SLC35F4: variants seen among roughly 807,000 people sequenced by gnomAD.
SLC35F4 encodes the protein solute carrier family 35 member F4, also known as chromosome 14 open reading frame 36.
Under a neutral mutation model 44.2 loss-of-function variants are expected in SLC35F4, and 24 were observed. The observed-to-expected ratio is 0.54, with a 90% CI of 0.39 to 0.76. The LOEUF is 0.76. Ranked by LOEUF, SLC35F4 falls within the 30% of genes least tolerant of loss-of-function variation. SLC35F4 has a pLI of 0.00. For synonymous variants in SLC35F4, 238 were observed against 223.6 expected (o/e 1.06, Z -0.57); for missense variants, 562 against 586.1 (o/e 0.96, Z 0.42).
At chr14:57,968,880 T>A (rs1233352036) in intron 1 of SLC35F4, among the ~76,000 whole-genome samples, 1 of 152,204 alleles carries the variant, frequency 6.6e-6, no homozygotes, top group Non-Finnish European at 1.5e-5. Context: ...TAAATTTGAC[T>A]TTTTAGGAAA....
intron 1 of SLC35F4, among the ~76,000 whole-genome samples, chr14:57,790,769 A>T (rs576437019): frequency 1.6e-4 from 25 of 152,320 alleles, no homozygotes; most frequent in Non-Finnish European, 2.6e-4. Flanking sequence ...ACAGCATGGT[A>T]CTGGTACCAA....
chr14:57,977,451 T>C (rs1367698036), intron 1 of SLC35F4, among the ~76,000 whole-genome samples: 1 of 152,072 alleles, frequency 6.6e-6, no homozygotes, highest in Non-Finnish European at 1.5e-5. Flanking sequence ...GAAACGTTTG[T>C]CTTTTGGAGG....
intron 1 of SLC35F4, among the ~76,000 whole-genome samples, chr14:57,707,474 C>T (rs962991977): frequency 6.6e-6 from 1 of 152,166 alleles, no homozygotes; most frequent in African/African-American, 2.4e-5. Context: ...GAAGAAAGTA[C>T]CTTACTTCCC....
chr14:57,571,682 G>A (rs1164067643), intron 5 of SLC35F4, among the ~76,000 whole-genome samples: 6 of 152,088 alleles, frequency 3.9e-5, no homozygotes, highest in African/African-American at 1.4e-4. Flanking sequence ...TCTGGAAAGT[G>A]GAAATAAGTA....
Position 57,776,937 on chromosome 14 carries a change from C to A in SLC35F4, c.103+88786G>T, listed in dbSNP as rs140352494. Reference sequence around the variant, plus strand: ...CGTAAGAGCTGCCTTACAAGAGCTCCTGAAAGAAGCACTAAATGTGGAAAG... The same window carrying A: ...CGTAAGAGCTGCCTTACAAGAGCTCATGAAAGAAGCACTAAATGTGGAAAG... On this transcript the variant is annotated intron_variant, in intron 1 of 7. Coordinates refer to ENST00000556826, the MANE Select transcript of SLC35F4 (RefSeq NM_001306087.2). Among the ~76,000 whole-genome samples the A allele has an allele frequency of 2.8e-4, 43 of 152,302 alleles. 1 individual carries two copies. The highest frequency in any genetic ancestry group is 2.7e-3 in the South Asian group (13 of 4,830).
rs201554203 is a variant in SLC35F4, at chr14:57,603,211, TG to T, written c.104-9088del. 2.0e-5 allele frequency among the ~76,000 whole-genome samples: 3 copies of T among 152,362 alleles called. 1 individual carries two copies. The South Asian group carries it at 6.2e-4, about 32-fold the overall frequency. ...AAATACCACAAAATTGCATTAAAGT[TG>T]TCTTTGTGTGTGATAGTCCTGATCT... On this transcript the variant is annotated intron_variant, in intron 1 of 7. Transcript: ENST00000556826.
rs570870074 is a variant in SLC35F4 at position 57,808,057 on chromosome 14, C to T, written c.103+57666G>A. Among the ~76,000 whole-genome samples the T allele has an allele frequency of 5.3e-5, 8 of 151,938 alleles. No individual in the cohort carries two copies. In the South Asian group the frequency reaches 1.7e-3, roughly 32 times the overall value. ...AAAACCTGCCCCCATGATTCAGTTA[C>T]CTCCCACCAGGTCCCTCCCATGACA... On this transcript the variant is annotated intron_variant, in intron 1 of 7. Transcript: ENST00000556826.
rs552013445 is a variant in SLC35F4 at position 57,847,039 on chromosome 14, T to C, written c.103+18684A>G. Among the ~76,000 whole-genome samples, 23 of 152,360 alleles carry C rather than the reference T, an allele frequency of 1.5e-4. 1 individual carries two copies. In the East Asian group the frequency reaches 3.9e-3, roughly 26 times the overall value. ...GAAATTGAGAGTAATCACTGAGAAATATTTATAGCAAGTTGACACTACTAT... is the reference window on the plus strand; with the variant it reads ...GAAATTGAGAGTAATCACTGAGAAACATTTATAGCAAGTTGACACTACTAT... On this transcript the variant is annotated intron_variant, in intron 1 of 7. Coordinates refer to ENST00000556826, the MANE Select transcript of SLC35F4 (RefSeq NM_001306087.2).
rs115815124 is a variant in SLC35F4 at position 57,842,940 on chromosome 14, A to G, written c.103+22783T>C. 5.6e-3 allele frequency among the ~76,000 whole-genome samples: 858 copies of G among 152,284 alleles called. 7 individuals are homozygous for G. Among genetic ancestry groups the G allele is most frequent in the African/African-American group, 0.02 (816 of 41,550 alleles). On this transcript the variant is annotated intron_variant, in intron 1 of 7. Transcript: ENST00000556826. Reference sequence around the variant, plus strand: ...AGGCAGAAGAAGGTAGAAAGAGCAGACTTGCTGAGTCTTCCAGCCTTCATC... The same window carrying G: ...AGGCAGAAGAAGGTAGAAAGAGCAGGCTTGCTGAGTCTTCCAGCCTTCATC...
At chr14:57,724,868 C>T (rs1321939111) in intron 1 of SLC35F4, among the ~76,000 whole-genome samples, 1 of 152,160 alleles carries the variant, frequency 6.6e-6, no homozygotes, top group African/African-American at 2.4e-5. Flanking sequence ...GAGCAGTGCA[C>T]CTGGTTGTGC....
chr14:57,650,769 C>T (rs926163924), intron 1 of SLC35F4, among the ~76,000 whole-genome samples: 1 of 152,126 alleles, frequency 6.6e-6, no homozygotes, highest in Non-Finnish European at 1.5e-5. Context: ...CCCTGCCCAC[C>T]CCTCCAGGTC....
chr14:57,833,763 T>G (rs1315543432), intron 1 of SLC35F4, among the ~76,000 whole-genome samples: 1 of 152,250 alleles, frequency 6.6e-6, no homozygotes, highest in East Asian at 1.9e-4. Context: ...GGGTAGCTGT[T>G]GGCATATTTA....
At chr14:57,765,788 CTATAAG>C (rs1766291142) in intron 1 of SLC35F4, among the ~76,000 whole-genome samples, 1 of 152,122 alleles carries the variant, frequency 6.6e-6, no homozygotes, top group Non-Finnish European at 1.5e-5. Context: ...TTAATATGGG[CTATAAG>C]TATGTGTCAA....
At chr14:57,629,721 T>C (rs1194197491) in intron 1 of SLC35F4, 1 of 252,280 alleles carries the variant, frequency 4.0e-6, no homozygotes, top group East Asian at 9.4e-5. Context: ...ATCTGTATAG[T>C]TGCTAGATAC....
intron 1 of SLC35F4, among the ~76,000 whole-genome samples, chr14:57,634,243 G>A (rs991750528): frequency 3.9e-5 from 6 of 152,130 alleles, no homozygotes; most frequent in East Asian, 1.9e-4. Flanking sequence ...TTAATAAAAT[G>A]TAAGTTGTGA....
rs7143220 is a variant in SLC35F4, at chr14:57,957,353, C to T, written n.282+24560G>A. Among the ~76,000 whole-genome samples, 121 of 151,842 alleles carry T rather than the reference C, an allele frequency of 8.0e-4. No individual in the cohort carries two copies. The East Asian group carries it at 0.017, about 21-fold the overall frequency. ...ACCTAACGTAGGTGACAGGTTGATGCATGCAGCAAGCCACTATGGCACGTG... is the reference window on the plus strand; with the variant it reads ...ACCTAACGTAGGTGACAGGTTGATGTATGCAGCAAGCCACTATGGCACGTG... On this transcript the variant is annotated intron_variant and non_coding_transcript_variant, in intron 1 of 1. Coordinates refer to the SLC35F4 transcript ENST00000556568.
chr14:57,603,709 C>T (rs1479437018), intron 1 of SLC35F4, among the ~76,000 whole-genome samples: 1 of 152,198 alleles, frequency 6.6e-6, no homozygotes, highest in African/African-American at 2.4e-5. Context: ...GATTCCTGCA[C>T]ATTTTTCAAG....
chr14:57,691,124 T>C (rs572365308), intron 1 of SLC35F4, among the ~76,000 whole-genome samples: 1 of 151,910 alleles, frequency 6.6e-6, no homozygotes, highest in African/African-American at 2.4e-5. Flanking sequence ...GTATGGCTTG[T>C]AAGAAGTAAT....
In SLC35F4 at chr14:57,877,674, C is replaced by CTTTTTTTTTTTTTTTTT. The variant is rs139397949; in HGVS notation, n.282+104222_282+104238dup. On this transcript the variant is annotated intron_variant and non_coding_transcript_variant, in intron 1 of 1. Coordinates refer to the SLC35F4 transcript ENST00000556568. Reference sequence around the variant, plus strand: ...CTTGCCAGCATCTGTTATTTTTTGACTTTTTTTTTTTTTTTTTTTTTTTTT... The same window carrying CTTTTTTTTTTTTTTTTT: ...CTTGCCAGCATCTGTTATTTTTTGACTTTTTTTTTTTTTTTTTTTTTTTTTTTTTTTTTTTTTTTTTT... Among the ~76,000 whole-genome samples the CTTTTTTTTTTTTTTTTT allele has an allele frequency of 2.3e-4, 12 of 52,422 alleles. 1 individual carries two copies. Among genetic ancestry groups the CTTTTTTTTTTTTTTTTT allele is most frequent in the East Asian group, 2.0e-3 (2 of 986 alleles). The allele number at this position is 52,422 out of a possible 152,430, so 34.4% of individuals were successfully genotyped here. A position where few individuals can be genotyped will look rare whatever the true frequency, so the allele number is the denominator to read the frequency against.
Sources: gnomAD v4.1 joint callset for allele counts (sites outside exome capture counted in the v4.1 genomes callset) on GRCh38, gnomAD v4.1.1 for gene constraint, MANE v1.5 for transcripts, NCBI Gene and HGNC (gene_info 2026-07-23, HGNC 2026-07-21) for gene names.